Variants in PCDHGA4 observed in about 807,000 individuals in gnomAD.
The protein encoded by PCDHGA4 is protocadherin gamma-A4.
In PCDHGA4, 38 loss-of-function variants were observed where a neutral mutation model predicts 54.6. The ratio of observed to expected loss-of-function variants is 0.70; its 90% CI spans 0.54 to 0.91. The LOEUF (loss-of-function observed/expected upper bound fraction) is 0.91, where lower values mean the gene tolerates loss of function less well. PCDHGA4 is among the 40% of genes least tolerant of loss of function. PCDHGA4 has a pLI of 0.00. For synonymous variants in PCDHGA4, 511 were observed against 512.9 expected (o/e 1.00, Z 0.05); for missense variants, 1,298 against 1,220.9 (o/e 1.06, Z -0.94).
In PCDHGA4 at chr5:141,423,562, A is replaced by G. The variant is rs374427537; in HGVS notation, c.2514+65941A>G. On this transcript the variant is annotated intron_variant, in intron 1 of 3. Coordinates refer to ENST00000571252, the MANE Select transcript of PCDHGA4 (RefSeq NM_018917.4). ...TTTCCCCCAGCCCAACTATGGGGAC[A>G]CGCTCATCAGCCAGGAGAGCTGTGA... is the stretch of plus-strand genomic sequence containing the variant. 7 of 1,613,498 alleles carry G rather than the reference A, an allele frequency of 4.3e-6. No homozygotes were observed. The African/African-American group carries it at 8.0e-5, about 18-fold the overall frequency.
intron 2 of PCDHGA4, among the ~76,000 whole-genome samples, chr5:141,504,238 G>A (rs1043662594): frequency 2.0e-5 from 3 of 152,228 alleles, no homozygotes; most frequent in African/African-American, 7.2e-5. Flanking sequence ...CTAAGAAGCA[G>A]AGAGTTCTTC....
chr5:141,388,356 C>T (rs756910714), intron 1 of PCDHGA4: 1 of 1,613,826 alleles, frequency 6.2e-7, no homozygotes. Flanking sequence ...AGGATCTGCC[C>T]ATGATGCGGA....
intron 1 of PCDHGA4, chr5:141,392,318 C>T (rs1213951508): frequency 6.6e-6 from 1 of 152,062 alleles, no homozygotes; most frequent in Non-Finnish European, 1.5e-5. Context: ...TTTTTTAAGA[C>T]CAAATGTATT....
intron 2 of PCDHGA4, among the ~76,000 whole-genome samples, chr5:141,498,004 G>C (rs1385457484): frequency 6.6e-6 from 1 of 152,316 alleles, no homozygotes; most frequent in African/African-American, 2.4e-5. Flanking sequence ...GGAGTTTACA[G>C]TGCACTGAAG....
chr5:141,458,104 A>G (rs969775517), intron 1 of PCDHGA4, among the ~76,000 whole-genome samples: 6 of 152,232 alleles, frequency 3.9e-5, no homozygotes, highest in Non-Finnish European at 8.8e-5. Flanking sequence ...ACTTACAGAT[A>G]GTCTCCAAAT....
chr5:141,402,882 G>C, intron 1 of PCDHGA4: 2 of 1,479,680 alleles, frequency 1.4e-6, no homozygotes, highest in East Asian at 4.8e-5. Context: ...TACTTTGCAG[G>C]GTGGAAGAAA....
chr5:141,458,949 T>A (rs948180008), intron 1 of PCDHGA4, among the ~76,000 whole-genome samples: 1 of 151,814 alleles, frequency 6.6e-6, no homozygotes, highest in East Asian at 1.9e-4. Flanking sequence ...CTTAGGTTGG[T>A]CACAAATTCA....
chr5:141,500,433 T>A (rs1398344932), intron 2 of PCDHGA4, among the ~76,000 whole-genome samples: 17 of 151,882 alleles, frequency 1.1e-4, no homozygotes, highest in East Asian at 7.8e-4. Flanking sequence ...ATGGTCTCGA[T>A]CTCCTGACCT....
At chr5:141,361,722 G>A in intron 1 of PCDHGA4, 4 of 1,613,314 alleles carry the variant, frequency 2.5e-6, no homozygotes, top group East Asian at 2.2e-5. Flanking sequence ...GCGCCTTCGA[G>A]CTCACACTGC....
rs559433377 is a variant in PCDHGA4, at chr5:141,432,679, G to A, written c.2515-62128G>A. ...TGCTGGACAGAGACGCGCTCAAGCAGAGCCTCGTAGTGGCCGTCCAGGACC... is the reference window on the plus strand; with the variant it reads ...TGCTGGACAGAGACGCGCTCAAGCAAAGCCTCGTAGTGGCCGTCCAGGACC... On this transcript the variant is annotated intron_variant, in intron 1 of 3. Transcript: ENST00000571252. The surrounding 1 kb of genome is among the most constrained non-coding windows in gnomAD (Gnocchi z 6.0). The A allele has an allele frequency of 2.3e-4, 369 of 1,613,834 alleles. 1 individual carries two copies. The highest frequency in any genetic ancestry group is 1.7e-4 in the Middle Eastern group (1 of 6,056).
At chr5:141,399,509 A>G in intron 1 of PCDHGA4, 13 of 1,613,968 alleles carry the variant, frequency 8.1e-6, no homozygotes, top group Non-Finnish European at 1.1e-5. Flanking sequence ...CCCGAAAACA[A>G]CCCTCCTGGG....
chr5:141,405,471 A>C, intron 1 of PCDHGA4: 6 of 1,084,370 alleles, frequency 5.5e-6, no homozygotes, highest in Non-Finnish European at 7.9e-6. Context: ...CCAGGCTGGA[A>C]TGCAGTGGTG....
chr5:141,476,672 A>T lies in PCDHGA4; in HGVS notation c.2515-18135A>T. 6.2e-7 allele frequency: 1 copy of T among 1,614,206 alleles called. No individual in the cohort carries two copies. Among genetic ancestry groups the T allele is most frequent in the African/African-American group, 1.3e-5 (1 of 75,058 alleles). ...TGAATACTTTGCGCTTCGCGTGCAG[A>T]CGCGGGAGGACAGCACCAAGTACGC... On this transcript the variant is annotated intron_variant, in intron 1 of 3. Transcript: ENST00000571252. The surrounding 1 kb of genome is among the most constrained non-coding windows in gnomAD (Gnocchi z 7.6).
At position 141,486,272 on chromosome 5, in the gene PCDHGA4, A is replaced by C. The variant is rs2099627166; in HGVS notation, c.2515-8535A>C. On this transcript the variant is annotated intron_variant, in intron 1 of 3. Transcript: ENST00000571252. The surrounding 1 kb of genome is among the most constrained non-coding windows in gnomAD (Gnocchi z 5.0). ...CCTCCCCGAGAGTGCAGAACCTGGC[A>C]CTGTGGTGGCACTTATCAGTGTGCA... 1 of 1,613,886 alleles carries C rather than the reference A, an allele frequency of 6.2e-7. No individual in the cohort carries two copies. Among genetic ancestry groups the C allele is most frequent in the Non-Finnish European group, 8.5e-7 (1 of 1,179,986 alleles).
Position 141,422,887 on chromosome 5 carries a change from C to G in PCDHGA4, c.2514+65266C>G, listed in dbSNP as rs2154549815. ...CAACGTGTCGCTGAGCCTGTTCGTG[C>G]TGGACCAGAACGACAATGCGCCCGA... On this transcript the variant is annotated intron_variant, in intron 1 of 3. Coordinates refer to ENST00000571252, the MANE Select transcript of PCDHGA4 (RefSeq NM_018917.4). The G allele has an allele frequency of 2.5e-6, 4 of 1,614,264 alleles. No homozygotes were observed. In the Middle Eastern group the frequency reaches 4.9e-4, roughly 200 times the overall value.
chr5:141,355,142 C>T lies in PCDHGA4; in HGVS notation c.35C>T (p.Ala12Val). 1 of 1,526,256 alleles carries T rather than the reference C, an allele frequency of 6.6e-7. No individual in the cohort carries two copies. Among genetic ancestry groups the T allele is most frequent in the Non-Finnish European group, 8.8e-7 (1 of 1,140,454 alleles). The allele number at this position is 1,526,256 out of a possible 1,614,324, so 94.5% of individuals were successfully genotyped here. A position where few individuals can be genotyped will look rare whatever the true frequency, so the allele number is the denominator to read the frequency against. ...HFILDPEDPG[A>V]PQASTEGKPK... is the part of the protein sequence containing the mutation. ...ATTTTGGACCCAGAAGATCCTGGGGCTCCTCAGGCCTCGACAGAGGGAAAA... is the reference window on the plus strand; with the variant it reads ...ATTTTGGACCCAGAAGATCCTGGGGTTCCTCAGGCCTCGACAGAGGGAAAA... The change falls in exon 1 of 4, where the codon GCT becomes GTT. Residue 12 changes from alanine to valine, a missense_variant. By Grantham distance (64) the Ala-to-Val change is moderately conservative. Transcript: ENST00000571252.
At chr5:141,482,457 C>T (rs1279922250) in intron 1 of PCDHGA4, among the ~76,000 whole-genome samples, 3 of 147,484 alleles carry the variant, frequency 2.0e-5, no homozygotes, top group Non-Finnish European at 3.0e-5. Context: ...TATTAGCATC[C>T]CTATGTGCCA....
intron 1 of PCDHGA4, chr5:141,371,832 G>C (rs765040359): frequency 6.2e-7 from 1 of 1,613,780 alleles, no homozygotes. Context: ...CTCGGATCCC[G>C]ACTTGGGACC....
rs762312563 is a variant in PCDHGA4 at position 141,493,182 on chromosome 5, A to G, written c.2515-1625A>G. Among the ~76,000 whole-genome samples, 1 of 152,232 alleles carries G rather than the reference A, an allele frequency of 6.6e-6. No homozygotes were observed. The highest frequency in any genetic ancestry group is 2.4e-5 in the African/African-American group (1 of 41,460). The stretch of plus-strand genomic sequence containing the variant: ...TAGCTGATTGAGAGAAACTTACTAT[A>G]TAACTCCTTTGAGAACCTCATCTCA... On this transcript the variant is annotated intron_variant, in intron 1 of 3. Coordinates refer to ENST00000571252, the MANE Select transcript of PCDHGA4 (RefSeq NM_018917.4). The surrounding 1 kb of genome is among the most constrained non-coding windows in gnomAD (Gnocchi z 4.3).
Sources: gnomAD v4.1 joint callset for allele counts (sites outside exome capture counted in the v4.1 genomes callset) on GRCh38, gnomAD v4.1.1 for gene constraint, Gnocchi (gnomAD v3.1) non-coding constraint, MANE v1.5 for transcripts, NCBI Gene and HGNC (gene_info 2026-07-23, HGNC 2026-07-21) for gene names.